STPG2: variants seen among roughly 807,000 people sequenced by gnomAD.
STPG2 encodes sperm tail PG-rich repeat containing 2, also known as sperm-tail PG-rich repeat-containing protein 2.
Under a neutral mutation model 54.2 loss-of-function variants are expected in STPG2, and 56 were observed. The observed-to-expected ratio is 1.03, with a 90% CI of 0.83 to 1.29. STPG2 has a LOEUF of 1.29. STPG2 is among the 50% of genes most tolerant of loss of function. The pLI, the probability that STPG2 is intolerant of heterozygous loss-of-function variation, is 0.00. For missense variants in STPG2, 596 were observed against 544.9 expected, an observed-to-expected ratio of 1.09 and a Z score of -0.93; for synonymous variants, 200 against 181.8, an observed-to-expected ratio of 1.10 and a Z score of -0.81.
chr4:97,693,952 G>T (rs774798189), intron 10 of STPG2, among the ~76,000 whole-genome samples: 1 of 151,982 alleles, frequency 6.6e-6, no homozygotes, highest in Non-Finnish European at 1.5e-5. Flanking sequence ...GAAATTAAAA[G>T]ACTCTGAACT....
At chr4:97,817,925 A>T (rs1727963377) in intron 9 of STPG2, among the ~76,000 whole-genome samples, 1 of 150,504 alleles carries the variant, frequency 6.6e-6, no homozygotes, top group African/African-American at 2.4e-5. Context: ...ACTCAGAATT[A>T]TATATATATA....
chr4:98,017,800 C>T (rs776062067), intron 5 of STPG2, among the ~76,000 whole-genome samples: 37 of 152,016 alleles, frequency 2.4e-4, no homozygotes, highest in Non-Finnish European at 8.8e-5. Flanking sequence ...TTCCCCCATG[C>T]TATTCTCATG....
chr4:97,872,136 ATACTT>A (rs1224530435), intron 8 of STPG2, among the ~76,000 whole-genome samples: 5 of 151,106 alleles, frequency 3.3e-5, no homozygotes, highest in Non-Finnish European at 7.4e-5. Flanking sequence ...GAATAATAAA[ATACTT>A]TATTGATAAA....
At chr4:97,781,823 G>GA (rs1023350007) in intron 9 of STPG2, among the ~76,000 whole-genome samples, 9 of 152,016 alleles carry the variant, frequency 5.9e-5, no homozygotes, top group African/African-American at 1.9e-4. Flanking sequence ...CAGAACCAAA[G>GA]AAAAAAACCA....
intron 10 of STPG2, among the ~76,000 whole-genome samples, chr4:97,689,224 T>C (rs779664130): frequency 2.6e-5 from 4 of 152,162 alleles, no homozygotes; most frequent in Non-Finnish European, 5.9e-5. Context: ...AAGCTACTTA[T>C]CCTTATCTTC....
intron 3 of STPG2, among the ~76,000 whole-genome samples, chr4:98,117,218 T>C (rs1739545535): frequency 6.6e-6 from 1 of 152,070 alleles, no homozygotes. Flanking sequence ...TCTGGAATTC[T>C]TGATTGGCAG....
chr4:97,607,464 G>T (rs1733624998), intron 10 of STPG2, among the ~76,000 whole-genome samples: 1 of 152,004 alleles, frequency 6.6e-6, no homozygotes, highest in Admixed American at 6.6e-5. Flanking sequence ...CATCACAGAG[G>T]GTGGAAGAAA....
At chr4:97,636,082 T>G (rs963953323) in intron 10 of STPG2, among the ~76,000 whole-genome samples, 2 of 151,884 alleles carry the variant, frequency 1.3e-5, no homozygotes, top group African/African-American at 2.4e-5. Flanking sequence ...ATTGACCACA[T>G]ACTTGGAAGT....
intron 9 of STPG2, among the ~76,000 whole-genome samples, chr4:97,809,801 G>A (rs1727680600): frequency 6.6e-6 from 1 of 152,020 alleles, no homozygotes; most frequent in South Asian, 2.1e-4. Context: ...ACAAAGAAGG[G>A]AACTTTAAAG....
At chr4:98,114,750 T>G (rs1739460187) in intron 3 of STPG2, among the ~76,000 whole-genome samples, 1 of 7,268 alleles carries the variant, frequency 1.4e-4, no homozygotes, top group African/African-American at 4.2e-4. Flanking sequence ...CACAATAATA[T>G]CCATTTTTTT....
chr4:97,571,402 G>T (rs953780182), intron 10 of STPG2, among the ~76,000 whole-genome samples: 2 of 152,050 alleles, frequency 1.3e-5, no homozygotes, highest in Admixed American at 1.3e-4. Flanking sequence ...GAGGTCGAAC[G>T]TGCCTCATTA....
intron 5 of STPG2, among the ~76,000 whole-genome samples, chr4:98,062,441 C>T (rs935335234): frequency 1.3e-5 from 2 of 151,794 alleles, no homozygotes; most frequent in Non-Finnish European, 2.9e-5. Context: ...TACCCCAGAA[C>T]CTAAAATAAA....
At chr4:97,966,869 T>C (rs1409766560) in intron 7 of STPG2, among the ~76,000 whole-genome samples, 1 of 152,150 alleles carries the variant, frequency 6.6e-6, no homozygotes, top group Non-Finnish European at 1.5e-5. Flanking sequence ...GCACTAACCA[T>C]GGAAACAAAT....
At chr4:97,591,472 T>C (rs1370796658) in intron 10 of STPG2, among the ~76,000 whole-genome samples, 1 of 152,350 alleles carries the variant, frequency 6.6e-6, no homozygotes, top group South Asian at 2.1e-4. Flanking sequence ...GCTTGATTTC[T>C]GAAGCAAAAG....
At chr4:98,019,036 G>C (rs1736074928) in intron 5 of STPG2, among the ~76,000 whole-genome samples, 1 of 151,640 alleles carries the variant, frequency 6.6e-6, no homozygotes, top group African/African-American at 2.4e-5. Context: ...TATCCCATTT[G>C]TCAATTTTGG....
chr4:97,443,410 C>T (rs1729139382), intron 4 of STPG2, among the ~76,000 whole-genome samples: 1 of 152,022 alleles, frequency 6.6e-6, no homozygotes, highest in Non-Finnish European at 1.5e-5. Flanking sequence ...AAGACATTTG[C>T]TAAATTTTAT....
At chr4:97,577,451 G>A (rs1732751497) in intron 10 of STPG2, among the ~76,000 whole-genome samples, 1 of 152,108 alleles carries the variant, frequency 6.6e-6, no homozygotes. Flanking sequence ...GGATGCAGCT[G>A]GAGGCCAATA....
At chr4:98,088,781 C>A (rs1738602033) in intron 5 of STPG2, among the ~76,000 whole-genome samples, 1 of 151,562 alleles carries the variant, frequency 6.6e-6, no homozygotes, top group African/African-American at 2.4e-5. Context: ...TAATTCTTTT[C>A]CCTACCATCC....
chr4:98,108,932 T>C (rs1458895339), intron 4 of STPG2, among the ~76,000 whole-genome samples: 2 of 152,016 alleles, frequency 1.3e-5, no homozygotes, highest in Non-Finnish European at 2.9e-5. Context: ...CTAATATAGA[T>C]GATGGGTTGA....
Sources: gnomAD v4.1 joint callset for allele counts (sites outside exome capture counted in the v4.1 genomes callset) on GRCh38, gnomAD v4.1.1 for gene constraint, MANE v1.5 for transcripts, NCBI Gene and HGNC (gene_info 2026-07-23, HGNC 2026-07-21) for gene names.